The following LRGUK variants were observed in gnomAD, a reference collection of about 807,000 sequenced individuals.
LRGUK encodes leucine-rich repeat and guanylate kinase domain-containing protein.
LRGUK carries 65 observed loss-of-function variants against 76.0 expected under a neutral mutation model. That is an observed-to-expected ratio of 0.85 (90% CI 0.70 to 1.05). The LOEUF (loss-of-function observed/expected upper bound fraction) is 1.05. Ranked by LOEUF, LRGUK falls within the 50% of genes least tolerant of loss-of-function variation. LRGUK has a pLI of 0.00. For missense variants in LRGUK, 758 were observed against 732.8 expected, an observed-to-expected ratio of 1.03 and a Z score of -0.40; for synonymous variants, 268 against 265.6, an observed-to-expected ratio of 1.01 and a Z score of -0.09.
intron 5 of LRGUK, among the ~76,000 whole-genome samples, chr7:134,156,139 G>A (rs1798447301): frequency 6.6e-6 from 1 of 152,176 alleles, no homozygotes; most frequent in Non-Finnish European, 1.5e-5. Flanking sequence ...AAGCTGATGG[G>A]TAAAGAATGG....
At chr7:134,202,488 A>T (rs1156886040) in intron 15 of LRGUK, among the ~76,000 whole-genome samples, 1 of 152,176 alleles carries the variant, frequency 6.6e-6, no homozygotes, top group Non-Finnish European at 1.5e-5. Flanking sequence ...CCCACTTCTG[A>T]TCTACCTCCA....
intron 10 of LRGUK, among the ~76,000 whole-genome samples, chr7:134,183,054 C>T (rs552433544): frequency 6.6e-6 from 1 of 152,356 alleles, no homozygotes; most frequent in Admixed American, 6.5e-5. Flanking sequence ...TCGCGCCCGG[C>T]TGCGGGAGAT....
rs376322035 is a variant in LRGUK at position 134,222,686 on chromosome 7, G to A, written c.1983+768G>A. On this transcript the variant is annotated intron_variant, in intron 16 of 19. Coordinates refer to the LRGUK transcript ENST00000285928. Reference sequence around the variant, plus strand: ...TGCAATGGTGTGATATCCGCTCATCGCAACCTCCGCCTCCCAGGTTCAAGC... The same window carrying A: ...TGCAATGGTGTGATATCCGCTCATCACAACCTCCGCCTCCCAGGTTCAAGC... Among the ~76,000 whole-genome samples, 18 of 151,632 alleles carry A rather than the reference G, an allele frequency of 1.2e-4. No individual in the cohort carries two copies. The East Asian group carries it at 3.5e-3, about 29-fold the overall frequency.
chr7:134,226,462 G>T (rs908645154), intron 16 of LRGUK, among the ~76,000 whole-genome samples: 1 of 152,116 alleles, frequency 6.6e-6, no homozygotes, highest in African/African-American at 2.4e-5. Flanking sequence ...AAATAACGAG[G>T]CTGGTTTTGT....
At chr7:134,255,355 A>C (rs926556255) in intron 18 of LRGUK, among the ~76,000 whole-genome samples, 2 of 152,204 alleles carry the variant, frequency 1.3e-5, no homozygotes, top group African/African-American at 4.8e-5. Context: ...TTAGTCGGTA[A>C]AAGGACTTGA....
chr7:134,223,976 A>G (rs2117159502), intron 16 of LRGUK, among the ~76,000 whole-genome samples: 1 of 152,168 alleles, frequency 6.6e-6, no homozygotes, highest in South Asian at 2.1e-4. Flanking sequence ...TACCTGGGGT[A>G]ATGGGTAGAA....
At chr7:134,176,269 G>A (rs1306657408) in intron 8 of LRGUK, among the ~76,000 whole-genome samples, 2 of 152,182 alleles carry the variant, frequency 1.3e-5, no homozygotes, top group African/African-American at 4.8e-5. Context: ...GCTAATGCAT[G>A]CGGGGCTTAA....
chr7:134,213,780 G>C (rs1017712605), downstream of LRGUK, among the ~76,000 whole-genome samples: 1 of 152,154 alleles, frequency 6.6e-6, no homozygotes, highest in Non-Finnish European at 1.5e-5. Context: ...GTATCAACAG[G>C]AGATTTTTAG....
intron 18 of LRGUK, among the ~76,000 whole-genome samples, chr7:134,251,789 G>T (rs1478586718): frequency 1.3e-5 from 2 of 152,120 alleles, no homozygotes; most frequent in African/African-American, 4.8e-5. Flanking sequence ...TGCATCTACT[G>T]CTATATTTAG....
chr7:134,273,958 T>C, the LRGUK span, among the ~76,000 whole-genome samples: 2 of 152,208 alleles, frequency 1.3e-5, no homozygotes, highest in East Asian at 1.9e-4. Flanking sequence ...TTGGTCTGCA[T>C]TTATTTTAAA....
chr7:134,155,912 C>T (rs1005502061), intron 5 of LRGUK, among the ~76,000 whole-genome samples: 13 of 152,066 alleles, frequency 8.5e-5, no homozygotes, highest in East Asian at 3.8e-4. Context: ...CTCTGATTAA[C>T]GGAAGGAGAT....
intron 4 of LRGUK, among the ~76,000 whole-genome samples, chr7:134,147,792 T>C (rs1798038430): frequency 6.6e-6 from 1 of 152,084 alleles, no homozygotes; most frequent in South Asian, 2.1e-4. Context: ...TCGGGTGTGG[T>C]GGCTCATGCC....
intron 16 of LRGUK, among the ~76,000 whole-genome samples, chr7:134,240,212 G>A (rs546538473): frequency 1.3e-5 from 2 of 152,310 alleles, no homozygotes; most frequent in South Asian, 2.1e-4. Flanking sequence ...TGACTTTGAC[G>A]AGAGAAGAAG....
At chr7:134,257,488 A>G (rs1243703659) in intron 18 of LRGUK, among the ~76,000 whole-genome samples, 1 of 152,162 alleles carries the variant, frequency 6.6e-6, no homozygotes, top group Admixed American at 6.6e-5. Context: ...CAGATGCCCA[A>G]TCATACCTGA....
intron 6 of LRGUK, among the ~76,000 whole-genome samples, chr7:134,161,812 T>A (rs1273478858): frequency 6.7e-6 from 1 of 149,866 alleles, no homozygotes; most frequent in African/African-American, 2.4e-5. Flanking sequence ...TGCCTCAGCA[T>A]CCCAAGTAGC....
chr7:134,145,758 G>A (rs1797943218), intron 4 of LRGUK, among the ~76,000 whole-genome samples: 1 of 152,214 alleles, frequency 6.6e-6, no homozygotes, highest in Non-Finnish European at 1.5e-5. Context: ...ATCTTGAGAA[G>A]CTCCACTTCC....
At chr7:134,159,730 A>G (rs56921211) in intron 6 of LRGUK, among the ~76,000 whole-genome samples, 19,704 of 152,190 alleles carry the variant, frequency 0.13, 1,610 homozygotes, top group East Asian at 0.32. Flanking sequence ...CGGAGGTTGC[A>G]GTGAGCCGAG....
At chr7:134,187,284 AT>A (rs1337133274) in intron 11 of LRGUK, among the ~76,000 whole-genome samples, 3 of 152,098 alleles carry the variant, frequency 2.0e-5, no homozygotes. Context: ...AGTTTTATTG[AT>A]TTTTAATTAT....
chr7:134,258,522 AC>A, intron 19 of LRGUK, 117 bp downstream of exon 19: 2 of 912,536 alleles, frequency 2.2e-6, no homozygotes, highest in South Asian at 1.8e-5. Context: ...AAATTGTGAA[AC>A]CCCATCTCTA....
Sources: allele counts gnomAD v4.1 joint callset (sites outside exome capture counted in the v4.1 genomes callset), GRCh38; gene constraint gnomAD v4.1.1; transcripts MANE v1.5; gene names NCBI Gene and HGNC (gene_info 2026-07-23, HGNC 2026-07-21).